The following TRPC1 variants were observed in gnomAD, a reference collection of about 807,000 sequenced individuals.
The protein encoded by TRPC1 is short transient receptor potential channel 1.
Under a neutral mutation model 88.2 loss-of-function variants are expected in TRPC1, and 42 were observed. The observed-to-expected ratio is 0.48, with a 90% CI of 0.37 to 0.62. TRPC1 has a LOEUF of 0.62. Among genes scored for constraint, TRPC1 ranks in the 20% least tolerant of loss-of-function variants. The pLI, the probability that TRPC1 is intolerant of heterozygous loss-of-function variation, is 0.00. For synonymous variants in TRPC1, 288 were observed against 331.8 expected, an observed-to-expected ratio of 0.87 and a Z score of 1.43; for missense variants, 699 against 957.3, an observed-to-expected ratio of 0.73 and a Z score of 3.56.
In TRPC1 at chr3:142,807,295, A is replaced by G. The variant is rs1039722035; in HGVS notation, c.*1060A>G. On this transcript the variant is annotated 3_prime_UTR_variant, in exon 13 of 13. Coordinates refer to ENST00000476941, the MANE Select transcript of TRPC1 (RefSeq NM_001251845.2). ...ACACAGCTTCTATAAAAGTGACTTC[A>G]TGCTTACTTGTGGATCATTCTTGCT... The G allele has an allele frequency of 6.6e-6, 1 of 152,210 alleles. No individual in the cohort carries two copies. Among genetic ancestry groups the G allele is most frequent in the African/African-American group, 2.4e-5 (1 of 41,466 alleles). The allele number at this position is 152,210 out of a possible 1,614,324, so 9.4% of individuals were successfully genotyped here.
intron 4 of TRPC1, among the ~76,000 whole-genome samples, chr3:142,777,358 A>C (rs533784368): frequency 6.6e-6 from 1 of 152,306 alleles, no homozygotes; most frequent in South Asian, 2.1e-4. Flanking sequence ...ATTAAACAAA[A>C]ATCTTTATAT....
intron 4 of TRPC1, among the ~76,000 whole-genome samples, chr3:142,756,787 T>C (rs1934982618): frequency 6.6e-6 from 1 of 152,232 alleles, no homozygotes; most frequent in South Asian, 2.1e-4. Flanking sequence ...TATTTCTTGT[T>C]GAGGTAAAAT....
In TRPC1 at chr3:142,724,811, G is replaced by T; in HGVS notation, c.172+80G>T. On this transcript the variant is annotated intron_variant, in intron 1 of 12. Coordinates refer to ENST00000476941, the MANE Select transcript of TRPC1 (RefSeq NM_001251845.2). This position sits in a 1 kb window ranked among gnomAD's most constrained non-coding sequence, Gnocchi z 5.6. Reference sequence around the variant, plus strand: ...CCTCTCCCCCGCCTCAACTTATATCGGGGCATTCCCTCTGTCTCAGGCGCC... The same window carrying T: ...CCTCTCCCCCGCCTCAACTTATATCTGGGCATTCCCTCTGTCTCAGGCGCC... The T allele has an allele frequency of 7.0e-7, 1 of 1,421,838 alleles. No homozygotes were observed. The highest frequency in any genetic ancestry group is 9.3e-7 in the Non-Finnish European group (1 of 1,078,242). 88.1% of individuals were successfully genotyped at this position (1,421,838 alleles called of 1,614,324 possible). A position where few individuals can be genotyped will look rare whatever the true frequency, so the allele number is the denominator to read the frequency against.
In TRPC1 at chr3:142,775,929, C is replaced by T. The variant is rs541858879; in HGVS notation, c.633-1703C>T. ...CTCCTTGTTATTATTGCTTTGGAAACATCTATCAGAATTTAAAATACAAAT... is the reference window on the plus strand; with the variant it reads ...CTCCTTGTTATTATTGCTTTGGAAATATCTATCAGAATTTAAAATACAAAT... On this transcript the variant is annotated intron_variant, in intron 4 of 12. Coordinates refer to ENST00000476941, the MANE Select transcript of TRPC1 (RefSeq NM_001251845.2). 7.2e-5 allele frequency among the ~76,000 whole-genome samples: 11 copies of T among 152,236 alleles called. No individual in the cohort carries two copies. In the South Asian group the frequency reaches 1.2e-3, roughly 17 times the overall value.
chr3:142,766,188 C>T (rs567403211), intron 4 of TRPC1, among the ~76,000 whole-genome samples: 1 of 152,192 alleles, frequency 6.6e-6, no homozygotes, highest in Admixed American at 6.5e-5. Flanking sequence ...AATGTCAACT[C>T]GATTGGATTG....
chr3:142,794,485 A>T (rs1936395465), intron 9 of TRPC1, among the ~76,000 whole-genome samples: 2 of 152,178 alleles, frequency 1.3e-5, no homozygotes, highest in African/African-American at 4.8e-5. Flanking sequence ...ACAACAGCTT[A>T]TAAGAAACTA....
At chr3:142,753,475 G>A (rs1038520365) in intron 4 of TRPC1, among the ~76,000 whole-genome samples, 53 of 152,054 alleles carry the variant, frequency 3.5e-4, no homozygotes, top group Non-Finnish European at 7.6e-4. Context: ...AACAAAATTA[G>A]TAAAAAGAGA....
In TRPC1 at chr3:142,792,693, A is replaced by G. The variant is rs1936326977; in HGVS notation, c.1438-131A>G. On this transcript the variant is annotated intron_variant, in intron 8 of 12. Transcript: ENST00000476941. The surrounding 1 kb of genome is among the most constrained non-coding windows in gnomAD (Gnocchi z 4.0). ...TATTTCTATTTTTAAAAAACCCTATAAAACATAAGTGGAGATCCCCTATAA... is the reference window on the plus strand; with the variant it reads ...TATTTCTATTTTTAAAAAACCCTATGAAACATAAGTGGAGATCCCCTATAA... The G allele has an allele frequency of 4.2e-6, 3 of 714,058 alleles. No homozygotes were observed. Among genetic ancestry groups the G allele is most frequent in the Non-Finnish European group, 6.0e-6 (3 of 499,132 alleles). 44.2% of individuals were successfully genotyped at this position (714,058 alleles called of 1,614,324 possible). A position where few individuals can be genotyped will look rare whatever the true frequency, so the allele number is the denominator to read the frequency against.
chr3:142,791,187 A>G, intron 8 of TRPC1, 29 bp downstream of exon 8: 5 of 1,572,098 alleles, frequency 3.2e-6, no homozygotes, highest in Non-Finnish European at 4.3e-6. Flanking sequence ...AATTGAAGGC[A>G]CAAATTAAGT....
chr3:142,793,977 C>G (rs1180029771), intron 9 of TRPC1: 2 of 763,492 alleles, frequency 2.6e-6, no homozygotes, highest in East Asian at 1.3e-4. Flanking sequence ...TTGGGACACA[C>G]TGTATACTGT....
rs568728163 is a variant in TRPC1, at chr3:142,760,512, T to C, written c.632+12052T>C. ...TGTAGTGTATTTTGAAGTCAGGTAA[T>C]GTGATGCTTCCAGCTTTGTTCTTTT... On this transcript the variant is annotated intron_variant, in intron 4 of 12. Coordinates refer to ENST00000476941, the MANE Select transcript of TRPC1 (RefSeq NM_001251845.2). Among the ~76,000 whole-genome samples, 7 of 152,276 alleles carry C rather than the reference T, an allele frequency of 4.6e-5. No homozygotes were observed. In the South Asian group the frequency reaches 1.2e-3, roughly 27 times the overall value.
intron 4 of TRPC1, among the ~76,000 whole-genome samples, chr3:142,756,553 G>A (rs1934973925): frequency 1.3e-5 from 2 of 151,944 alleles, no homozygotes; most frequent in African/African-American, 2.4e-5. Flanking sequence ...TAGAGACGGG[G>A]TTTCACCGTG....
At chr3:142,737,334 A>ATATGTATG (rs371372307) in intron 2 of TRPC1, among the ~76,000 whole-genome samples, 1,653 of 147,390 alleles carry the variant, frequency 0.011, 41 homozygotes, top group East Asian at 0.086. Flanking sequence ...TTATATATAT[A>ATATGTATG]TATGTATGTA....
Position 142,806,389 on chromosome 3 carries a change from TA to T in TRPC1, c.*157del. The T allele has an allele frequency of 1.5e-6, 1 of 677,932 alleles. No individual in the cohort carries two copies. The allele number at this position is 677,932 out of a possible 1,614,324, so 42.0% of individuals were successfully genotyped here. A position where few individuals can be genotyped will look rare whatever the true frequency, so the allele number is the denominator to read the frequency against. On this transcript the variant is annotated 3_prime_UTR_variant, in exon 13 of 13. Coordinates refer to ENST00000476941, the MANE Select transcript of TRPC1 (RefSeq NM_001251845.2). ...ATTTATAGCATAAATATATGTTATG[TA>T]AAGTGTGTATATAGAATTAGTTTTT...
chr3:142,805,127 TATACACACACAC>T (rs1383741632), intron 12 of TRPC1, among the ~76,000 whole-genome samples: 8,362 of 120,436 alleles, frequency 0.069, 759 homozygotes, highest in African/African-American at 0.24. Flanking sequence ...CAAATATATA[TATACACACACAC>T]ACACACACAC....
intron 1 of TRPC1, among the ~76,000 whole-genome samples, chr3:142,730,387 A>T (rs981496783): frequency 5.3e-5 from 8 of 152,146 alleles, no homozygotes; most frequent in Non-Finnish European, 1.0e-4. Flanking sequence ...CCTCATTAAG[A>T]TTCATAAGCA....
intron 4 of TRPC1, among the ~76,000 whole-genome samples, chr3:142,765,082 G>T (rs1292928656): frequency 6.6e-6 from 1 of 151,830 alleles, no homozygotes; most frequent in East Asian, 1.9e-4. Context: ...GCTGCAAAAA[G>T]AATAAAATAT....
rs575602663 is a variant in TRPC1, at chr3:142,724,785, T to A, written c.172+54T>A. The A allele has an allele frequency of 3.6e-5, 53 of 1,457,868 alleles. No homozygotes were observed. In the South Asian group the frequency reaches 7.2e-4, roughly 20 times the overall value. 90.3% of individuals were successfully genotyped at this position (1,457,868 alleles called of 1,614,324 possible). Reference sequence around the variant, plus strand: ...ACGCCCCTGTCCTCCAGACCTTTAGTCCTCTCCCCCGCCTCAACTTATATC... The same window carrying A: ...ACGCCCCTGTCCTCCAGACCTTTAGACCTCTCCCCCGCCTCAACTTATATC... On this transcript the variant is annotated intron_variant, in intron 1 of 12. Transcript: ENST00000476941. This position sits in a 1 kb window ranked among gnomAD's most constrained non-coding sequence, Gnocchi z 5.6.
intron 11 of TRPC1, 89 bp downstream of exon 11, chr3:142,804,267 TAAG>T (rs1936713917): frequency 4.8e-6 from 6 of 1,243,268 alleles, no homozygotes; most frequent in Non-Finnish European, 6.6e-6. Flanking sequence ...TATAAGATTA[TAAG>T]AATTGAAAAA....
Sources: gnomAD v4.1 joint callset for allele counts (sites outside exome capture counted in the v4.1 genomes callset) on GRCh38, gnomAD v4.1.1 for gene constraint, Gnocchi (gnomAD v3.1) non-coding constraint, MANE v1.5 for transcripts, NCBI Gene and HGNC (gene_info 2026-07-23, HGNC 2026-07-21) for gene names.